The following SEC24B variants were observed in gnomAD, a reference collection of about 807,000 sequenced individuals.
SEC24B encodes the protein SEC24 homolog B, COPII component, also known as protein transport protein Sec24B.
A neutral mutation model predicts 142.8 loss-of-function variants in SEC24B; 45 were observed. The ratio of observed to expected loss-of-function variants is 0.32; its 90% confidence interval spans 0.25 to 0.40. SEC24B has a LOEUF of 0.40. SEC24B is among the 10% of genes least tolerant of loss of function. The pLI, the probability that SEC24B is intolerant of heterozygous loss-of-function variation, is 1.00. For missense variants in SEC24B, 1,409 were observed against 1,526.8 expected, an observed-to-expected ratio of 0.92 and a Z score of 1.29; for synonymous variants, 574 against 568.2, an observed-to-expected ratio of 1.01 and a Z score of -0.15.
rs763147800 is a variant in SEC24B at position 109,472,995 on chromosome 4, T to G, written c.878-9T>G. 6.7e-7 allele frequency: 1 copy of G among 1,489,856 alleles called. No individual in the cohort carries two copies. Among genetic ancestry groups the G allele is most frequent in the Non-Finnish European group, 8.9e-7 (1 of 1,120,450 alleles). The allele number at this position is 1,489,856 out of a possible 1,614,324, so 92.3% of individuals were successfully genotyped here. ...AGTTTCTGTGGATGAAATAGTTTCTTCTCTTCAGTTGCAGATTCTTTATCC... is the reference window on the plus strand; with the variant it reads ...AGTTTCTGTGGATGAAATAGTTTCTGCTCTTCAGTTGCAGATTCTTTATCC... On this transcript the variant is annotated splice_polypyrimidine_tract_variant and intron_variant, in intron 2 of 23. Transcript: ENST00000265175.
rs527454751 is a variant in SEC24B, at chr4:109,512,194, C to A, written c.1903+111C>A. On this transcript the variant is annotated intron_variant, in intron 9 of 23. Transcript: ENST00000265175. The stretch of plus-strand genomic sequence containing the variant: ...CATTGCTTTAAAAAGAATTTTCATG[C>A]CATTTTTAGTAGAGGGAATATAGGC... The A allele has an allele frequency of 2.3e-5, 23 of 998,878 alleles. 2 individuals carry two copies. In the East Asian group the frequency reaches 5.5e-4, roughly 24 times the overall value. The allele number at this position is 998,878 out of a possible 1,614,324, so 61.9% of individuals were successfully genotyped here. A position where few individuals can be genotyped will look rare whatever the true frequency, so the allele number is the denominator to read the frequency against.
rs753254769 is a variant in SEC24B, at chr4:109,533,674, C to A, written c.3577C>A (p.Pro1193Thr). The A allele has an allele frequency of 6.3e-7, 1 of 1,591,516 alleles. No individual in the cohort carries two copies. The highest frequency in any genetic ancestry group is 8.6e-7 in the Non-Finnish European group (1 of 1,164,762). ...VLGYTNFASI[P>T]QKMTHLPELD... ...TGGATATACTAATTTTGCATCAATA[C>A]CACAGAAAATGGTCAGTAGATTTTA... Residue 1193 changes from proline to threonine, a missense_variant, in exon 22 of 24, where the codon CCA becomes ACA. This residue lies in a region of SEC24B where 700 missense variants were observed against 853.3 expected (regional missense o/e 0.82). Transcript: ENST00000265175.
At chr4:109,534,639 C>G (rs977230485) in intron 22 of SEC24B, among the ~76,000 whole-genome samples, 1 of 151,886 alleles carries the variant, frequency 6.6e-6, no homozygotes, top group African/African-American at 2.4e-5. Flanking sequence ...GTCAGTGATT[C>G]AAAAAATCAA....
intron 8 of SEC24B, among the ~76,000 whole-genome samples, chr4:109,510,545 T>G (rs35598950): frequency 0.09 from 13,725 of 152,164 alleles, 697 homozygotes; most frequent in Middle Eastern, 0.18. Context: ...GAAGGTGGAA[T>G]GGCCCTGGAA....
Position 109,463,020 on chromosome 4 carries a change from A to G in SEC24B, c.253A>G (p.Thr85Ala), listed in dbSNP as rs780867999. The G allele has an allele frequency of 6.2e-7, 1 of 1,614,110 alleles. No individual in the cohort carries two copies. Among genetic ancestry groups the G allele is most frequent in the Non-Finnish European group, 8.5e-7 (1 of 1,179,976 alleles). Residue 85 changes from threonine to alanine, a missense_variant, in exon 2 of 24, where the codon ACC becomes GCC. By Grantham distance (58) the Thr-to-Ala change is moderately conservative. Around this residue, in one of 2 missense-constraint regions of SEC24B, gnomAD observed 709 missense variants for 673.5 expected, o/e 1.05. Coordinates refer to ENST00000265175, the MANE Select transcript of SEC24B (RefSeq NM_006323.5). ...PGKMTSLPLD[T>A]QCGDYYSALY... ...GAAAATGACCTCATTGCCATTGGAT[A>G]CCCAGTGTGGTGATTACTACTCTGC...
chr4:109,502,450 G>A (rs1321132165), intron 6 of SEC24B, among the ~76,000 whole-genome samples: 1 of 152,160 alleles, frequency 6.6e-6, no homozygotes, highest in Non-Finnish European at 1.5e-5. Flanking sequence ...GCCCTAATTC[G>A]GAAATTGATG....
intron 14 of SEC24B, among the ~76,000 whole-genome samples, chr4:109,522,190 A>G (rs895107406): frequency 6.6e-6 from 1 of 151,694 alleles, no homozygotes; most frequent in Non-Finnish European, 1.5e-5. Flanking sequence ...AGCTGGGACT[A>G]CAGGCGCCTG....
chr4:109,441,397 G>A (rs1728914441), intron 1 of SEC24B, among the ~76,000 whole-genome samples: 1 of 152,138 alleles, frequency 6.6e-6, no homozygotes, highest in African/African-American at 2.4e-5. Context: ...CAAGGTATCT[G>A]GCATGTAGTA....
chr4:109,494,671 C>T lies in SEC24B; in HGVS notation c.1303C>T (p.Pro435Ser), dbSNP rs1419739922. 1 of 1,613,952 alleles carries T rather than the reference C, an allele frequency of 6.2e-7. No individual in the cohort carries two copies. The highest frequency in any genetic ancestry group is 1.7e-5 in the Admixed American group (1 of 60,000). ...TCCTGATCCCGCCCCTGAACCTGAT[C>T]CTGCTTCTGCTCCAGCTCCAGCTTC... The part of the protein sequence containing the change: ...PAPDPAPEPD[P>S]ASAPAPASAP... The change falls in exon 6 of 24, where the codon CCT becomes TCT. Residue 435 changes from proline to serine, a missense_variant. By Grantham distance (74) the Pro-to-Ser change is moderately conservative (BLOSUM62 -1). Coordinates refer to ENST00000265175, the MANE Select transcript of SEC24B (RefSeq NM_006323.5).
At chr4:109,539,123 A>G (rs1725895506) in intron 23 of SEC24B, among the ~76,000 whole-genome samples, 1 of 151,794 alleles carries the variant, frequency 6.6e-6, no homozygotes, top group Non-Finnish European at 1.5e-5. Flanking sequence ...CACCACGCCC[A>G]GCTAATTTTT....
intron 2 of SEC24B, among the ~76,000 whole-genome samples, chr4:109,468,475 G>T (rs1732188287): frequency 6.6e-6 from 1 of 152,178 alleles, no homozygotes; most frequent in South Asian, 2.1e-4. Flanking sequence ...CATTTGGATA[G>T]GTGAGAGGAA....
intron 21 of SEC24B, 82 bp downstream of exon 21, chr4:109,532,825 C>T: frequency 7.3e-6 from 5 of 681,714 alleles, no homozygotes; most frequent in Non-Finnish European, 5.2e-6. Context: ...CAGCTGTTAT[C>T]ACAGAGCAAG....
intron 1 of SEC24B, among the ~76,000 whole-genome samples, chr4:109,458,734 C>CAT (rs1440195811): frequency 1.3e-5 from 2 of 151,698 alleles, no homozygotes; most frequent in Non-Finnish European, 2.9e-5. Flanking sequence ...CTAAATTATA[C>CAT]ATATATATGC....
rs1461850797 is a variant in SEC24B at position 109,533,715 on chromosome 4, T to C, written c.3588+30T>C. 32 of 1,257,272 alleles carry C rather than the reference T, an allele frequency of 2.5e-5. No homozygotes were observed. In the East Asian group the frequency reaches 6.7e-4, roughly 26 times the overall value. The allele number at this position is 1,257,272 out of a possible 1,614,324, so 77.9% of individuals were successfully genotyped here. A position where few individuals can be genotyped will look rare whatever the true frequency, so the allele number is the denominator to read the frequency against. The stretch of plus-strand genomic sequence containing the variant: ...GTAGATTTTATACACCTTTAACTTT[T>C]TGTTTGCTCATTTTTTTTTATTGAT... On this transcript the variant is annotated intron_variant, in intron 22 of 23. Transcript: ENST00000265175.
chr4:109,456,353 T>TTTTTTTTTTTTTTTTA (rs1553995174), intron 1 of SEC24B, among the ~76,000 whole-genome samples: 1 of 148,774 alleles, frequency 6.7e-6, no homozygotes, highest in Non-Finnish European at 1.5e-5. Context: ...TTTTTTTTTT[T>TTTTTTTTTTTTTTTTA]ACTCCTTTCC....
intron 6 of SEC24B, among the ~76,000 whole-genome samples, chr4:109,505,891 A>G (rs918100019): frequency 3.9e-5 from 6 of 152,220 alleles, no homozygotes; most frequent in African/African-American, 1.4e-4. Context: ...TTGAGATAAC[A>G]AGCCATTAAT....
rs567200473 is a variant in SEC24B, at chr4:109,478,210, G to A, written c.1061-3467G>A. 2.6e-5 allele frequency among the ~76,000 whole-genome samples: 4 copies of A among 151,612 alleles called. No homozygotes were observed. The East Asian group carries it at 7.7e-4, about 29-fold the overall frequency. ...CTGAGGCAGGAGAATCACTTGAACC[G>A]GGGAGGCAGAGGTTGCAGTGAGCTG... is the stretch of plus-strand genomic sequence containing the variant. On this transcript the variant is annotated intron_variant, in intron 3 of 23. Transcript: ENST00000265175.
chr4:109,488,882 A>G (rs1416561684), intron 4 of SEC24B: 2 of 158,828 alleles, frequency 1.3e-5, no homozygotes. Context: ...TCATGTGTTT[A>G]TTGGTCATTT....
In SEC24B at chr4:109,540,526, A is replaced by C. The variant is rs1161125902; in HGVS notation, c.*851A>C. The C allele has an allele frequency of 6.6e-6, 1 of 152,134 alleles. No individual in the cohort carries two copies. Among genetic ancestry groups the C allele is most frequent in the Admixed American group, 6.5e-5 (1 of 15,276 alleles). The allele number at this position is 152,134 out of a possible 1,614,324, so 9.4% of individuals were successfully genotyped here. On this transcript the variant is annotated 3_prime_UTR_variant, in exon 24 of 24. Coordinates refer to ENST00000265175, the MANE Select transcript of SEC24B (RefSeq NM_006323.5). The stretch of plus-strand genomic sequence containing the variant: ...TGTGGGGATTGGTGGGTTTTTTTAC[A>C]TACAGGATGTATTGAATTTACTAAT...
Sources: gnomAD v4.1 joint callset for allele counts (sites outside exome capture counted in the v4.1 genomes callset) on GRCh38, gnomAD v4.1.1 for gene constraint, gnomAD v4.1.1 regional missense constraint, MANE v1.5 for transcripts, NCBI Gene and HGNC (gene_info 2026-07-23, HGNC 2026-07-21) for gene names.